SEMA5A: variants seen among roughly 807,000 people sequenced by gnomAD.
SEMA5A encodes the protein semaphorin 5A.
In SEMA5A, 55 loss-of-function variants were observed where a neutral mutation model predicts 135.5. The observed-to-expected ratio is 0.41, with a 90% CI of 0.33 to 0.51. The LOEUF (loss-of-function observed/expected upper bound fraction) is 0.51. SEMA5A is among the 20% of genes least tolerant of loss of function. The pLI is 0.37. For missense variants in SEMA5A, 1,290 were observed against 1,419.9 expected (o/e 0.91, Z 1.47); for synonymous variants, 580 against 546.5 (o/e 1.06, Z -0.85).
At chr5:9,334,747 A>G (rs2150711696) in intron 4 of SEMA5A, among the ~76,000 whole-genome samples, 1 of 152,326 alleles carries the variant, frequency 6.6e-6, no homozygotes, top group African/African-American at 2.4e-5. Context: ...TCTAGAATAA[A>G]AAACTACAGC....
intron 3 of SEMA5A, among the ~76,000 whole-genome samples, chr5:9,343,401 C>T (rs1404119413): frequency 1.3e-5 from 2 of 152,004 alleles, no homozygotes; most frequent in Non-Finnish European, 2.9e-5. Flanking sequence ...AAGGTACTGT[C>T]CTGAAAATGA....
At position 9,050,734 on chromosome 5, in the gene SEMA5A, C is replaced by T. The variant is rs552180697; in HGVS notation, c.2846-277G>A. On this transcript the variant is annotated intron_variant, in intron 20 of 22. Coordinates refer to ENST00000382496, the MANE Select transcript of SEMA5A (RefSeq NM_003966.3). Reference sequence around the variant, plus strand: ...TCAGGCTGAAAGCAGGGAATGTGCTCATTTTCCATTACAAGGTGTCTTGCC... The same window carrying T: ...TCAGGCTGAAAGCAGGGAATGTGCTTATTTTCCATTACAAGGTGTCTTGCC... 1.3e-3 allele frequency among the ~76,000 whole-genome samples: 197 copies of T among 152,328 alleles called. 2 individuals carry two copies. Among genetic ancestry groups the T allele is most frequent in the African/African-American group, 4.5e-3 (186 of 41,582 alleles).
intron 11 of SEMA5A, among the ~76,000 whole-genome samples, chr5:9,161,219 T>C (rs1743235957): frequency 6.6e-6 from 1 of 152,096 alleles, no homozygotes; most frequent in Admixed American, 6.5e-5. Flanking sequence ...AAATTCCTAA[T>C]GCATTTCATG....
intron 3 of SEMA5A, among the ~76,000 whole-genome samples, chr5:9,368,658 C>A (rs1170331540): frequency 6.6e-6 from 1 of 152,144 alleles, no homozygotes; most frequent in South Asian, 2.1e-4. Context: ...AATACATATT[C>A]TTTTGTATCT....
At chr5:9,060,602 C>A (rs551019244) in intron 18 of SEMA5A, among the ~76,000 whole-genome samples, 1 of 152,144 alleles carries the variant, frequency 6.6e-6, no homozygotes, top group South Asian at 2.1e-4. Context: ...CCTTTCCCAG[C>A]CTCTCAGCAT....
Position 9,456,901 on chromosome 5 carries a change from C to A in SEMA5A, c.-174-19049G>T, listed in dbSNP as rs1758859541. Among the ~76,000 whole-genome samples, 2 of 152,116 alleles carry A rather than the reference C, an allele frequency of 1.3e-5. 1 individual carries two copies. The highest frequency in any genetic ancestry group is 2.9e-5 in the Non-Finnish European group (2 of 68,022). On this transcript the variant is annotated intron_variant, in intron 1 of 22. Coordinates refer to ENST00000382496, the MANE Select transcript of SEMA5A (RefSeq NM_003966.3). ...GATCAAACAGAGAGATCAGAAGTAC[C>A]CTGCCCTGCTCGCACTTTTCTACAG... is the stretch of plus-strand genomic sequence containing the variant.
intron 16 of SEMA5A, among the ~76,000 whole-genome samples, chr5:9,097,240 A>G (rs1278384112): frequency 6.6e-6 from 1 of 152,206 alleles, no homozygotes; most frequent in Non-Finnish European, 1.5e-5. Context: ...CCTTATTTAC[A>G]CTGGTATCCC....
At chr5:9,332,048 T>C (rs1469102665) in intron 4 of SEMA5A, among the ~76,000 whole-genome samples, 2 of 152,186 alleles carry the variant, frequency 1.3e-5, no homozygotes, top group East Asian at 1.9e-4. Flanking sequence ...TCACATTGGG[T>C]CAGGTGTGCA....
chr5:9,456,807 A>C (rs997732872), intron 1 of SEMA5A, among the ~76,000 whole-genome samples: 9 of 152,224 alleles, frequency 5.9e-5, no homozygotes, highest in Non-Finnish European at 1.2e-4. Flanking sequence ...TTAAAGAACC[A>C]TTTGGAAATT....
intron 5 of SEMA5A, among the ~76,000 whole-genome samples, chr5:9,249,630 T>C (rs545274241): frequency 7.0e-4 from 107 of 152,284 alleles, no homozygotes; most frequent in African/African-American, 2.5e-3. Context: ...CCCTACAATA[T>C]ATATGAAAGA....
chr5:9,283,177 G>T (rs777779219), intron 5 of SEMA5A, among the ~76,000 whole-genome samples: 1 of 152,146 alleles, frequency 6.6e-6, no homozygotes, highest in Non-Finnish European at 1.5e-5. Flanking sequence ...CATAAACCTA[G>T]AGCCCTGAAG....
At chr5:9,452,943 C>T (rs1758699916) in intron 1 of SEMA5A, among the ~76,000 whole-genome samples, 1 of 152,144 alleles carries the variant, frequency 6.6e-6, no homozygotes, top group African/African-American at 2.4e-5. Context: ...GAGGGAAAAG[C>T]CTGTCAAATG....
At chr5:9,357,355 C>G (rs1049126594) in intron 3 of SEMA5A, among the ~76,000 whole-genome samples, 7 of 152,150 alleles carry the variant, frequency 4.6e-5, no homozygotes, top group Admixed American at 6.5e-5. Context: ...TTTTCATCCA[C>G]AGAGGAAGAA....
intron 1 of SEMA5A, among the ~76,000 whole-genome samples, chr5:9,446,936 A>G (rs771037168): frequency 6.6e-6 from 1 of 152,234 alleles, no homozygotes; most frequent in Non-Finnish European, 1.5e-5. Flanking sequence ...CACATCTGAC[A>G]CCAAACCTTT....
At chr5:9,483,216 G>T (rs1759942953) in intron 1 of SEMA5A, among the ~76,000 whole-genome samples, 1 of 151,794 alleles carries the variant, frequency 6.6e-6, no homozygotes, top group Non-Finnish European at 1.5e-5. Context: ...TCTGTCTTTG[G>T]GGCTGTCTCC....
At chr5:9,362,728 C>G (rs1754752089) in intron 3 of SEMA5A, among the ~76,000 whole-genome samples, 1 of 152,212 alleles carries the variant, frequency 6.6e-6, no homozygotes, top group Admixed American at 6.5e-5. Flanking sequence ...CCAGCCCACA[C>G]ACTTCCCAAA....
At chr5:9,358,136 T>A (rs779714530) in intron 3 of SEMA5A, among the ~76,000 whole-genome samples, 1 of 152,164 alleles carries the variant, frequency 6.6e-6, no homozygotes, top group African/African-American at 2.4e-5. Flanking sequence ...GGACCCTCCA[T>A]ACCTCTCATT....
intron 1 of SEMA5A, among the ~76,000 whole-genome samples, chr5:9,447,607 G>GAGGAC (rs1015820061): frequency 1.3e-5 from 2 of 152,146 alleles, no homozygotes; most frequent in African/African-American, 2.4e-5. Context: ...ATGTTTTATA[G>GAGGAC]AGGACTTAAC....
chr5:9,506,545 G>A (rs1400093541), intron 1 of SEMA5A, among the ~76,000 whole-genome samples: 1 of 152,138 alleles, frequency 6.6e-6, no homozygotes, highest in Non-Finnish European at 1.5e-5. Context: ...GCCCCATGGG[G>A]TAGGGTTGAA....
Sources: gnomAD v4.1 joint callset for allele counts (sites outside exome capture counted in the v4.1 genomes callset) on GRCh38, gnomAD v4.1.1 for gene constraint, MANE v1.5 for transcripts, NCBI Gene and HGNC (gene_info 2026-07-23, HGNC 2026-07-21) for gene names.